Variants in PTPN21 observed in about 807,000 individuals in gnomAD.
PTPN21 encodes the protein protein tyrosine phosphatase non-receptor type 21, also known as tyrosine-protein phosphatase non-receptor type 21.
A neutral mutation model predicts 131.8 loss-of-function variants in PTPN21; 77 were observed. The observed-to-expected ratio is 0.58, with a 90% CI of 0.49 to 0.71. PTPN21 has a LOEUF of 0.71. Among genes scored for constraint, PTPN21 ranks in the 30% least tolerant of loss-of-function variants. The pLI is 0.00. For synonymous variants in PTPN21, 715 were observed against 621.3 expected (o/e 1.15, Z -2.24); for missense variants, 1,552 against 1,527.1 (o/e 1.02, Z -0.27).
chr14:88,472,407 A>G lies in PTPN21; in HGVS notation c.2708T>C (p.Ile903Thr), dbSNP rs556418801. Residue 903 changes from isoleucine (I) to threonine (T), a missense_variant, in exon 15 of 19, where the codon ATT becomes ACT. By Grantham distance (89) the Ile-to-Thr change is moderately conservative (BLOSUM62 -1). Around this residue, in one of 4 missense-constraint regions of PTPN21, gnomAD observed 316 missense variants for 378.5 expected, o/e 0.83. Coordinates refer to ENST00000556564, the MANE Select transcript of PTPN21 (RefSeq NM_007039.4). Reference protein sequence around the residue: ...QGMVFTEYERILKKRLVDGEC... With the variant: ...QGMVFTEYERTLKKRLVDGEC... ...CCCATCAACTAGCCGTTTCTTAAGAATTCTTTCATATTCTGTGAATACCAT... is the reference window on the plus strand; with the variant it reads ...CCCATCAACTAGCCGTTTCTTAAGAGTTCTTTCATATTCTGTGAATACCAT... The G allele has an allele frequency of 8.1e-6, 13 of 1,614,104 alleles. No individual in the cohort carries two copies. The South Asian group carries it at 1.4e-4, about 18-fold the overall frequency.
chr14:88,541,254 A>C (rs1222184213), intron 2 of PTPN21, among the ~76,000 whole-genome samples: 1 of 152,198 alleles, frequency 6.6e-6, no homozygotes, highest in Non-Finnish European at 1.5e-5. Context: ...TCTTAGGCAA[A>C]AACTTAAATT....
At chr14:88,480,455 TG>T (rs2077637279) in intron 12 of PTPN21, 103 bp from the exon 13 acceptor site, 1 of 938,302 alleles carries the variant, frequency 1.1e-6, no homozygotes, top group East Asian at 2.6e-5. Context: ...TAACACAGCT[TG>T]TAAAAATCCC....
intron 7 of PTPN21, 197 bp downstream of exon 7, chr14:88,501,084 A>T: frequency 1.5e-6 from 1 of 656,004 alleles, no homozygotes; most frequent in South Asian, 1.9e-5. Flanking sequence ...CTATTTCAAG[A>T]CCATTTCAAA....
intron 2 of PTPN21, among the ~76,000 whole-genome samples, chr14:88,523,652 C>CTA (rs2078432280): frequency 6.6e-6 from 1 of 151,296 alleles, no homozygotes. Context: ...AGTAGTAAAA[C>CTA]TATCTATGTA....
At chr14:88,468,811 C>G in intron 18 of PTPN21, 105 bp downstream of exon 18, 1 of 1,432,616 alleles carries the variant, frequency 7.0e-7, no homozygotes, top group Non-Finnish European at 9.7e-7. Flanking sequence ...GAGGCCACCA[C>G]AGTCCAAGGA....
Position 88,550,329 on chromosome 14 carries a change from A to G in PTPN21, c.89T>C (p.Leu30Pro), listed in dbSNP as rs2078846749. 1.9e-6 allele frequency: 3 copies of G among 1,614,204 alleles called. No homozygotes were observed. Among genetic ancestry groups the G allele is most frequent in the Non-Finnish European group, 2.5e-6 (3 of 1,180,030 alleles). ...GGTGAACTCCACAAACTCGTTATTAAGCAGTTGGATCCGGGCAACCAGGCA... is the reference window on the plus strand; with the variant it reads ...GGTGAACTCCACAAACTCGTTATTAGGCAGTTGGATCCGGGCAACCAGGCA... ...KSCLVARIQL[L>P]NNEFVEFTLS... Residue 30 changes from leucine to proline, a missense_variant, in exon 2 of 19, where the codon CTT becomes CCT. Leu to Pro is a moderately conservative substitution (Grantham distance 98, BLOSUM62 -3). This residue lies in a region of PTPN21 where 206 missense variants were observed against 221.6 expected (regional missense o/e 0.93). Coordinates refer to ENST00000556564, the MANE Select transcript of PTPN21 (RefSeq NM_007039.4).
chr14:88,533,038 T>A (rs1020396153), intron 2 of PTPN21, among the ~76,000 whole-genome samples: 1 of 152,214 alleles, frequency 6.6e-6, no homozygotes, highest in Non-Finnish European at 1.5e-5. Flanking sequence ...AAGTTAGTTA[T>A]GAAGCGCTTC....
At position 88,517,075 on chromosome 14, in the gene PTPN21, G is replaced by C. The variant is rs747356457; in HGVS notation, c.350+17C>G. The stretch of plus-strand genomic sequence containing the variant: ...ACTAGACTATTTCCTAAAAACAAAC[G>C]GCATGTAATTTCTCACCTGGTAATC... On this transcript the variant is annotated intron_variant, in intron 3 of 18. Coordinates refer to ENST00000556564, the MANE Select transcript of PTPN21 (RefSeq NM_007039.4). The C allele has an allele frequency of 1.9e-6, 3 of 1,610,184 alleles. No homozygotes were observed. The South Asian group carries it at 3.3e-5, about 18-fold the overall frequency.
At chr14:88,531,417 C>T (rs546092301) in intron 2 of PTPN21, among the ~76,000 whole-genome samples, 1 of 152,120 alleles carries the variant, frequency 6.6e-6, no homozygotes, top group African/African-American at 2.4e-5. Context: ...ATTAGCCAGG[C>T]ATGGTGGTGC....
rs371987178 is a variant in PTPN21, at chr14:88,472,365, C to A, written c.2750G>T (p.Arg917Leu). Residue 917 changes from arginine (R) to leucine (L), a missense_variant, in exon 15 of 19, where the codon CGA (arginine) becomes CTA (leucine). By Grantham distance (102) the Arg-to-Leu change is moderately radical. This residue lies in a region of PTPN21 where 316 missense variants were observed against 378.5 expected (regional missense o/e 0.83). Transcript: ENST00000556564. ...RLVDGECSTA[R>L]LPENAERNRF... is the part of the protein sequence containing the mutation. ...ATTTCTTTCTGCATTTTCAGGGAGT[C>A]GTGCTGTTGAGCACTCCCCATCAAC... The A allele has an allele frequency of 6.2e-7, 1 of 1,613,652 alleles. No individual in the cohort carries two copies. Among genetic ancestry groups the A allele is most frequent in the South Asian group, 1.1e-5 (1 of 91,058 alleles).
At chr14:88,518,285 TACGC>T (rs2078318309) in intron 2 of PTPN21, among the ~76,000 whole-genome samples, 1 of 67,888 alleles carries the variant, frequency 1.5e-5, no homozygotes, top group Non-Finnish European at 2.5e-5. Context: ...CACACACACA[TACGC>T]ACACACACAC....
At chr14:88,489,656 A>T (rs816075) in intron 10 of PTPN21, among the ~76,000 whole-genome samples, 83,976 of 151,984 alleles carry the variant, frequency 0.55, 25,515 homozygotes, top group Admixed American at 0.7. Flanking sequence ...TCTCTTTAAA[A>T]AAATAAATAA....
chr14:88,530,374 A>G (rs1216888400), intron 2 of PTPN21, among the ~76,000 whole-genome samples: 2 of 151,950 alleles, frequency 1.3e-5, no homozygotes, highest in African/African-American at 2.4e-5. Context: ...ACAATGGGGG[A>G]AAAAAAACCA....
Position 88,500,804 on chromosome 14 carries a change from C to T in PTPN21, c.743G>A (p.Gly248Glu). The T allele has an allele frequency of 6.2e-7, 1 of 1,613,096 alleles. No homozygotes were observed. Among genetic ancestry groups the T allele is most frequent in the Non-Finnish European group, 8.5e-7 (1 of 1,179,106 alleles). Residue 248 changes from glycine to glutamate, a missense_variant, in exon 8 of 19, where the codon GGA becomes GAA. Physicochemically the swap from Gly to Glu is moderately conservative, Grantham distance 98 (BLOSUM62 -2). Transcript: ENST00000556564. The part of the protein sequence containing the change: ...LEGIFVKHKN[G>E]RHPVVFRWHD... ...ATACCTAAATACCACAGGATGCCTT[C>T]CATTCTTGTGTTTCACAAAGATACC...
At chr14:88,496,567 A>G (rs2077920815) in intron 9 of PTPN21, 75 bp from the exon 10 acceptor site, 1 of 1,156,758 alleles carries the variant, frequency 8.6e-7, no homozygotes, top group African/African-American at 1.5e-5. Flanking sequence ...GAGTTTGTCT[A>G]AAGACATAAT....
intron 10 of PTPN21, among the ~76,000 whole-genome samples, chr14:88,494,022 A>T (rs2077866026): frequency 6.6e-6 from 1 of 152,180 alleles, no homozygotes; most frequent in East Asian, 1.9e-4. Context: ...GGCAGGGGAT[A>T]CAGGCAAACA....
chr14:88,541,129 G>C (rs2078699556), intron 2 of PTPN21, among the ~76,000 whole-genome samples: 1 of 152,002 alleles, frequency 6.6e-6, no homozygotes, highest in African/African-American at 2.4e-5. Context: ...ATCATATTTG[G>C]GTAATCTACT....
chr14:88,497,190 AATGT>A lies in PTPN21; in HGVS notation c.852+9_852+12del. The A allele has an allele frequency of 6.3e-7, 1 of 1,575,110 alleles. No homozygotes were observed. Among genetic ancestry groups the A allele is most frequent in the Non-Finnish European group, 8.7e-7 (1 of 1,144,678 alleles). ...GGAAAAACATTCCATGCAGACCCCT[AATGT>A]TTACTCACAGTTTGAAATTGAATGG... On this transcript the variant is annotated intron_variant, in intron 9 of 18. Coordinates refer to ENST00000556564, the MANE Select transcript of PTPN21 (RefSeq NM_007039.4).
intron 11 of PTPN21, 67 bp downstream of exon 11, chr14:88,485,715 A>C (rs2140108293): frequency 1.7e-6 from 2 of 1,173,424 alleles, no homozygotes; most frequent in Non-Finnish European, 2.5e-6. Flanking sequence ...ACAGCATTGA[A>C]AGCATATTTT....
Sources: gnomAD v4.1 joint callset for allele counts (sites outside exome capture counted in the v4.1 genomes callset) on GRCh38, gnomAD v4.1.1 for gene constraint, gnomAD v4.1.1 regional missense constraint, MANE v1.5 for transcripts, NCBI Gene and HGNC (gene_info 2026-07-23, HGNC 2026-07-21) for gene names.